CNTN3: variants seen among roughly 807,000 people sequenced by gnomAD.
CNTN3 encodes contactin 3.
A neutral mutation model predicts 119.1 loss-of-function variants in CNTN3; 60 were observed. The ratio of observed to expected loss-of-function variants is 0.50; its 90% CI spans 0.41 to 0.62. CNTN3 has a LOEUF of 0.62. Ranked by LOEUF, CNTN3 falls within the 20% of genes least tolerant of loss-of-function variation. The probability of loss-of-function intolerance (pLI) is 0.00; values close to 1 mark genes in which losing one functional copy is unlikely to be tolerated. For synonymous variants in CNTN3, 450 were observed against 438.7 expected (o/e 1.03, Z -0.32); for missense variants, 1,101 against 1,242.4 (o/e 0.89, Z 1.71).
chr3:74,407,069 C>A (rs1243218894), intron 5 of CNTN3, among the ~76,000 whole-genome samples: 4 of 152,026 alleles, frequency 2.6e-5, no homozygotes, highest in Admixed American at 2.6e-4. Context: ...TGGAAGGGAT[C>A]TTTCATTCTC....
chr3:74,351,868 T>A lies in CNTN3; in HGVS notation c.1364+10022A>T, dbSNP rs530513417. Among the ~76,000 whole-genome samples the A allele has an allele frequency of 2.0e-5, 3 of 152,294 alleles. No individual in the cohort carries two copies. The South Asian group carries it at 6.2e-4, about 32-fold the overall frequency. The stretch of plus-strand genomic sequence containing the variant: ...CTCTTAAATCAGCTTAATCTTCTCA[T>A]AGAGTATGGGAGTTATTGGCAAAGG... On this transcript the variant is annotated intron_variant, in intron 11 of 22. Transcript: ENST00000263665.
intron 5 of CNTN3, among the ~76,000 whole-genome samples, chr3:74,418,358 T>TTTTTTTTTTTTTG (rs1559591932): frequency 6.7e-6 from 1 of 148,764 alleles, no homozygotes; most frequent in African/African-American, 2.5e-5. Flanking sequence ...TTTTTTTTTT[T>TTTTTTTTTTTTTG]TGAGTCAGAG....
At position 74,555,130 on chromosome 3, in the gene CNTN3, T is replaced by C. The variant is rs544316094; in HGVS notation, c.-80-33938A>G. On this transcript the variant is annotated intron_variant, in intron 1 of 22. Transcript: ENST00000263665. ...GAGAGTTTTTAGCAAGAAAGGCTGT[T>C]TAATTTTGTCAAAGGCCTTTTCTGC... Among the ~76,000 whole-genome samples, 5 of 152,356 alleles carry C rather than the reference T, an allele frequency of 3.3e-5. No individual in the cohort carries two copies. In the East Asian group the frequency reaches 9.6e-4, roughly 29 times the overall value.
At chr3:74,430,518 G>A (rs1309018473) in intron 4 of CNTN3, among the ~76,000 whole-genome samples, 1 of 152,160 alleles carries the variant, frequency 6.6e-6, no homozygotes, top group South Asian at 2.1e-4. Flanking sequence ...TGAGGTAGGA[G>A]GGTTGCTTGA....
chr3:74,464,684 A>C (rs1416619398), intron 4 of CNTN3, among the ~76,000 whole-genome samples: 4 of 152,198 alleles, frequency 2.6e-5, no homozygotes, highest in African/African-American at 9.6e-5. Flanking sequence ...TAATATTTTA[A>C]AAATCTGTAG....
chr3:74,434,618 A>T (rs1242389419), intron 4 of CNTN3, among the ~76,000 whole-genome samples: 4 of 152,172 alleles, frequency 2.6e-5, no homozygotes, highest in Admixed American at 2.6e-4. Flanking sequence ...CTCTCTAGCT[A>T]TTTGAACAGG....
chr3:74,589,922 A>C (rs1215104111), intron 1 of CNTN3, among the ~76,000 whole-genome samples: 1 of 135,492 alleles, frequency 7.4e-6, no homozygotes, highest in African/African-American at 2.7e-5. Context: ...ACACATGGAC[A>C]CAGGAAGGGG....
At chr3:74,536,984 T>C (rs1469797268) in intron 1 of CNTN3, among the ~76,000 whole-genome samples, 1 of 68,494 alleles carries the variant, frequency 1.5e-5, no homozygotes, top group South Asian at 7.6e-4. Context: ...AAACCTGTCA[T>C]ACTTTCATTT....
intron 5 of CNTN3, among the ~76,000 whole-genome samples, chr3:74,407,906 C>G (rs923249521): frequency 2.6e-5 from 4 of 152,200 alleles, no homozygotes; most frequent in African/African-American, 9.7e-5. Context: ...TGTGTTCTCT[C>G]TCCTGTATGA....
chr3:74,529,201 AT>A (rs1270572853), intron 1 of CNTN3, among the ~76,000 whole-genome samples: 1 of 151,978 alleles, frequency 6.6e-6, no homozygotes, highest in Non-Finnish European at 1.5e-5. Flanking sequence ...AATTTTAAAT[AT>A]TCTTCAGTGT....
At chr3:74,406,718 T>A (rs762038913) in intron 5 of CNTN3, among the ~76,000 whole-genome samples, 107 of 151,996 alleles carry the variant, frequency 7.0e-4, no homozygotes, top group Non-Finnish European at 1.3e-3. Flanking sequence ...AATCTACAAT[T>A]TCACCAAAAG....
chr3:74,288,021 A>C (rs1032353181), intron 19 of CNTN3, among the ~76,000 whole-genome samples: 2 of 152,090 alleles, frequency 1.3e-5, no homozygotes, highest in African/African-American at 4.8e-5. Flanking sequence ...ATGTGCATTC[A>C]ACTTGTGCTA....
At chr3:74,267,438 GA>G (rs1701683982) in intron 20 of CNTN3, 60 bp from the exon 21 acceptor site, 3 of 1,188,138 alleles carry the variant, frequency 2.5e-6, no homozygotes. Context: ...ATTTTACACG[GA>G]GGAGATGGCG....
chr3:74,612,923 G>A (rs1705106876), intron 1 of CNTN3, among the ~76,000 whole-genome samples: 1 of 152,150 alleles, frequency 6.6e-6, no homozygotes, highest in Non-Finnish European at 1.5e-5. Flanking sequence ...TCTTACAAAT[G>A]TTGCACAAAT....
intron 1 of CNTN3, among the ~76,000 whole-genome samples, chr3:74,611,767 TA>T (rs1705085805): frequency 6.6e-6 from 1 of 152,174 alleles, no homozygotes; most frequent in African/African-American, 2.4e-5. Context: ...GTGTGCATAT[TA>T]AAAACTACAA....
chr3:74,300,189 C>A (rs1702425945), intron 16 of CNTN3, among the ~76,000 whole-genome samples: 1 of 151,752 alleles, frequency 6.6e-6, no homozygotes, highest in Non-Finnish European at 1.5e-5. Context: ...AAAACATGAC[C>A]AAGTTGGAAG....
intron 1 of CNTN3, among the ~76,000 whole-genome samples, chr3:74,570,193 G>A (rs1559662078): frequency 6.6e-6 from 1 of 151,930 alleles, no homozygotes. Flanking sequence ...TACCCAAGTA[G>A]GTACTACAAG....
At chr3:74,337,694 C>T (rs188027834) in intron 11 of CNTN3, among the ~76,000 whole-genome samples, 1 of 152,074 alleles carries the variant, frequency 6.6e-6, no homozygotes, top group Non-Finnish European at 1.5e-5. Context: ...CCAGGTCCCT[C>T]CCACAACATG....
intron 5 of CNTN3, among the ~76,000 whole-genome samples, chr3:74,387,133 T>G (rs533246320): frequency 4.7e-4 from 72 of 152,332 alleles, no homozygotes; most frequent in African/African-American, 1.7e-3. Flanking sequence ...GTGACTCCTA[T>G]GGCCAATCAG....
Sources: allele counts gnomAD v4.1 joint callset (sites outside exome capture counted in the v4.1 genomes callset), GRCh38; gene constraint gnomAD v4.1.1; transcripts MANE v1.5; gene names NCBI Gene and HGNC (gene_info 2026-07-23, HGNC 2026-07-21).